The following PRKD1 variants were observed in gnomAD, a reference collection of about 807,000 sequenced individuals.
PRKD1 encodes serine/threonine-protein kinase D1.
PRKD1 carries 63 observed loss-of-function variants against 95.9 expected under a neutral mutation model. The ratio of observed to expected loss-of-function variants is 0.66; its 90% CI spans 0.54 to 0.81. PRKD1 has a LOEUF of 0.81. Ranked by LOEUF, PRKD1 falls within the 30% of genes least tolerant of loss-of-function variation. The probability of loss-of-function intolerance (pLI) is 0.00; values close to 1 mark genes in which losing one functional copy is unlikely to be tolerated. For missense variants in PRKD1, 1,048 were observed against 1,165.3 expected (o/e 0.90, Z 1.47); for synonymous variants, 425 against 423.1 (o/e 1.00, Z -0.05).
At chr14:29,649,788 T>C (rs1000278975) in intron 4 of PRKD1, among the ~76,000 whole-genome samples, 14 of 152,234 alleles carry the variant, frequency 9.2e-5, no homozygotes, top group Admixed American at 6.5e-4. Context: ...AGTTTTTTAA[T>C]ATACATTCCA....
In PRKD1 at chr14:29,618,499, G is replaced by A. The variant is rs555033443; in HGVS notation, c.1905+5653C>T. ...TCTAACTCCTGACCTCAGGTGATCC[G>A]GCTGCCTCAGCCACACAACGTGCTG... On this transcript the variant is annotated intron_variant, in intron 13 of 17. Transcript: ENST00000331968. Among the ~76,000 whole-genome samples, 11 of 152,142 alleles carry A rather than the reference G, an allele frequency of 7.2e-5. No individual in the cohort carries two copies. The East Asian group carries it at 7.8e-4, about 11-fold the overall frequency.
intron 1 of PRKD1, among the ~76,000 whole-genome samples, chr14:29,727,286 C>T (rs564277945): frequency 1.5e-4 from 23 of 151,882 alleles, no homozygotes; most frequent in Non-Finnish European, 2.4e-4. Flanking sequence ...TTGTATATTC[C>T]GGATATTAGC....
At chr14:29,805,416 C>T (rs1015558794) in intron 1 of PRKD1, among the ~76,000 whole-genome samples, 33 of 152,072 alleles carry the variant, frequency 2.2e-4, no homozygotes, top group African/African-American at 7.0e-4. Context: ...AAATGCATTA[C>T]AAAAAAAGAA....
chr14:29,633,885 TG>T (rs2139121560), intron 8 of PRKD1, among the ~76,000 whole-genome samples: 1 of 152,324 alleles, frequency 6.6e-6, no homozygotes. Flanking sequence ...ATCAGTCAAT[TG>T]TCAACTTAAC....
intron 1 of PRKD1, among the ~76,000 whole-genome samples, chr14:29,890,686 C>T (rs1348039853): frequency 6.6e-6 from 1 of 152,208 alleles, no homozygotes; most frequent in East Asian, 1.9e-4. Context: ...GAAAGATAAT[C>T]TTCCAATTTA....
At chr14:29,622,366 T>TG (rs562982101) in intron 13 of PRKD1, among the ~76,000 whole-genome samples, 1,162 of 76,526 alleles carry the variant, frequency 0.015, 29 homozygotes, top group African/African-American at 0.046. Context: ...TGTATTTTTC[T>TG]CCCTTCCTTC....
At chr14:29,600,644 T>C (rs1893482609) in intron 13 of PRKD1, among the ~76,000 whole-genome samples, 2 of 152,150 alleles carry the variant, frequency 1.3e-5, no homozygotes, top group Non-Finnish European at 2.9e-5. Flanking sequence ...GGGATGTAAG[T>C]ATGCGTGGAT....
intron 1 of PRKD1, among the ~76,000 whole-genome samples, chr14:29,904,112 G>A (rs1056286645): frequency 6.6e-6 from 1 of 151,940 alleles, no homozygotes; most frequent in Non-Finnish European, 1.5e-5. Context: ...TAATTAACAG[G>A]GTCAGCCTCT....
chr14:29,669,212 C>A (rs565217443), intron 2 of PRKD1, among the ~76,000 whole-genome samples: 25 of 152,146 alleles, frequency 1.6e-4, no homozygotes, highest in Admixed American at 3.3e-4. Context: ...ATCAAAAATT[C>A]TTTTAGTATG....
At chr14:29,710,314 C>T (rs1182209965) in intron 2 of PRKD1, among the ~76,000 whole-genome samples, 2 of 152,078 alleles carry the variant, frequency 1.3e-5, no homozygotes, top group African/African-American at 4.8e-5. Context: ...CTGACAAACA[C>T]GACTTTAACC....
chr14:29,786,904 C>G (rs1195129241), intron 1 of PRKD1, among the ~76,000 whole-genome samples: 3 of 151,598 alleles, frequency 2.0e-5, no homozygotes, highest in Non-Finnish European at 2.9e-5. Context: ...TTATCTAGTT[C>G]CTTGAGCTGC....
At chr14:29,858,930 C>T (rs1892605956) in intron 1 of PRKD1, among the ~76,000 whole-genome samples, 1 of 152,134 alleles carries the variant, frequency 6.6e-6, no homozygotes, top group South Asian at 2.1e-4. Context: ...CATCTGCTTC[C>T]AATATTACAA....
At chr14:29,705,545 A>C (rs1246782680) in intron 2 of PRKD1, among the ~76,000 whole-genome samples, 1 of 151,900 alleles carries the variant, frequency 6.6e-6, no homozygotes, top group Non-Finnish European at 1.5e-5. Context: ...AAAAATATTC[A>C]TAAGGTTCCT....
At chr14:29,713,215 T>C (rs1274001048) in intron 2 of PRKD1, among the ~76,000 whole-genome samples, 2 of 152,188 alleles carry the variant, frequency 1.3e-5, no homozygotes, top group Non-Finnish European at 2.9e-5. Flanking sequence ...CATTCCAATA[T>C]GACCTCTTAG....
intron 9 of PRKD1, among the ~76,000 whole-genome samples, 177 bp downstream of exon 9, chr14:29,632,692 G>C (rs1880090298): frequency 6.6e-6 from 1 of 151,898 alleles, no homozygotes; most frequent in Non-Finnish European, 1.5e-5. Context: ...AGAATCAAGA[G>C]GTCCCAACCT....
intron 2 of PRKD1, among the ~76,000 whole-genome samples, chr14:29,679,671 A>G (rs545728356): frequency 6.6e-6 from 1 of 152,234 alleles, no homozygotes; most frequent in African/African-American, 2.4e-5. Flanking sequence ...GCAGGCAAAG[A>G]AAAGGGAGGG....
chr14:29,904,581 A>T (rs1894430919), intron 1 of PRKD1, among the ~76,000 whole-genome samples: 1 of 152,210 alleles, frequency 6.6e-6, no homozygotes, highest in African/African-American at 2.4e-5. Context: ...ACTAGCAATA[A>T]TAATTGCTAT....
chr14:29,920,058 AAG>A (rs1895043551), intron 1 of PRKD1, among the ~76,000 whole-genome samples: 2 of 134,802 alleles, frequency 1.5e-5, no homozygotes, highest in East Asian at 2.1e-4. Context: ...GGAAGGAAGG[AAG>A]GAAGGAAAGA....
intron 1 of PRKD1, among the ~76,000 whole-genome samples, chr14:29,915,069 G>C (rs1894847009): frequency 6.6e-6 from 1 of 152,146 alleles, no homozygotes; most frequent in Non-Finnish European, 1.5e-5. Flanking sequence ...CTCAGAACCT[G>C]CTCAGAATCA....
Sources: gnomAD v4.1 joint callset for allele counts (sites outside exome capture counted in the v4.1 genomes callset) on GRCh38, gnomAD v4.1.1 for gene constraint, MANE v1.5 for transcripts, NCBI Gene and HGNC (gene_info 2026-07-23, HGNC 2026-07-21) for gene names.